Variants in LIPC observed in about 807,000 individuals in gnomAD.
LIPC encodes the protein hepatic triacylglycerol lipase.
A neutral mutation model predicts 50.7 loss-of-function variants in LIPC; 44 were observed. The observed-to-expected ratio is 0.87, with a 90% CI of 0.68 to 1.11. LIPC has a LOEUF of 1.11. Ranked by LOEUF, LIPC falls within the 50% of genes most tolerant of loss-of-function variation. LIPC has a pLI of 0.00. For missense variants in LIPC, 697 were observed against 648.2 expected (o/e 1.08, Z -0.82); for synonymous variants, 271 against 256.4 (o/e 1.06, Z -0.54).
intron 1 of LIPC, chr15:58,497,672 C>A (rs1448722818): frequency 6.6e-6 from 1 of 152,456 alleles, no homozygotes; most frequent in African/African-American, 2.4e-5. Context: ...TCCCAGGCTC[C>A]AGGTCAGCAC....
At chr15:58,445,299 C>G (rs576856326) in intron 1 of LIPC, among the ~76,000 whole-genome samples, 2 of 152,342 alleles carry the variant, frequency 1.3e-5, no homozygotes, top group East Asian at 1.9e-4. Context: ...CATGGGTGTG[C>G]TCAGTGTGGA....
intron 1 of LIPC, among the ~76,000 whole-genome samples, chr15:58,463,180 G>A (rs534939597): frequency 5.3e-5 from 8 of 152,180 alleles, no homozygotes; most frequent in South Asian, 4.1e-4. Flanking sequence ...TTTGCCTTCC[G>A]GCCTGACTGC....
intron 8 of LIPC, chr15:58,565,196 A>G (rs773946354): frequency 1.9e-4 from 292 of 1,535,570 alleles, no homozygotes; most frequent in Middle Eastern, 3.3e-4. Context: ...AACAGGATCA[A>G]TCTGGGAAGA....
chr15:58,537,805 T>C (rs1161477355), intron 1 of LIPC, among the ~76,000 whole-genome samples: 6 of 151,932 alleles, frequency 3.9e-5, no homozygotes, highest in Non-Finnish European at 7.4e-5. Flanking sequence ...CACTCACCCC[T>C]GTACCTTGTC....
chr15:58,449,489 G>T (rs1893825697), intron 1 of LIPC, among the ~76,000 whole-genome samples: 1 of 152,018 alleles, frequency 6.6e-6, no homozygotes, highest in South Asian at 2.1e-4. Flanking sequence ...TATTTACTTT[G>T]AAAGATAAAT....
chr15:58,497,103 A>C (rs1373851953), intron 1 of LIPC, among the ~76,000 whole-genome samples: 5 of 152,226 alleles, frequency 3.3e-5, no homozygotes, highest in African/African-American at 9.6e-5. Context: ...CAGTAGTTAG[A>C]GCTGCCACTG....
At chr15:58,490,568 G>C (rs1317729676) in intron 1 of LIPC, among the ~76,000 whole-genome samples, 1 of 152,064 alleles carries the variant, frequency 6.6e-6, no homozygotes, top group African/African-American at 2.4e-5. Flanking sequence ...AATCTGGCCC[G>C]TCACGCCAGC....
At chr15:58,549,262 T>A (rs1893660506) in intron 6 of LIPC, among the ~76,000 whole-genome samples, 1 of 152,336 alleles carries the variant, frequency 6.6e-6, no homozygotes, top group Non-Finnish European at 1.5e-5. Flanking sequence ...GCCATTAACA[T>A]TTCTGCCTAA....
At chr15:58,544,328 C>A (rs555670729) in intron 4 of LIPC, among the ~76,000 whole-genome samples, 27 of 151,968 alleles carry the variant, frequency 1.8e-4, no homozygotes, top group Non-Finnish European at 3.8e-4. Context: ...ACCCTCTTGC[C>A]GTCTTGTCAT....
intron 1 of LIPC, among the ~76,000 whole-genome samples, chr15:58,438,246 G>A (rs967249187): frequency 3.3e-5 from 5 of 152,180 alleles, no homozygotes; most frequent in Admixed American, 2.6e-4. Flanking sequence ...GGCAGAAAGA[G>A]GCTGGGCCCC....
chr15:58,446,767 G>A (rs1338745845), intron 1 of LIPC, among the ~76,000 whole-genome samples: 1 of 152,156 alleles, frequency 6.6e-6, no homozygotes, highest in Non-Finnish European at 1.5e-5. Flanking sequence ...ACCCACACAG[G>A]CCTGGCATGG....
chr15:58,569,026 A>G lies in LIPC; in HGVS notation c.*199A>G, dbSNP rs867037693. ...TATAACTATTTTCCAGTATCAGTACAACCAAAAATGTCCCAATTTTATCTC... is the reference window on the plus strand; with the variant it reads ...TATAACTATTTTCCAGTATCAGTACGACCAAAAATGTCCCAATTTTATCTC... On this transcript the variant is annotated 3_prime_UTR_variant, in exon 9 of 9. Transcript: ENST00000299022. 7.0e-6 allele frequency: 3 copies of G among 427,952 alleles called. No homozygotes were observed. The highest frequency in any genetic ancestry group is 8.3e-6 in the Non-Finnish European group (2 of 242,194). The allele number at this position is 427,952 out of a possible 1,614,324, so 26.5% of individuals were successfully genotyped here. A position where few individuals can be genotyped will look rare whatever the true frequency, so the allele number is the denominator to read the frequency against.
rs1332282753 is a variant in LIPC, at chr15:58,519,354, T to G, written c.89-18979T>G. 2.0e-5 allele frequency among the ~76,000 whole-genome samples: 3 copies of G among 147,680 alleles called. No homozygotes were observed. The East Asian group carries it at 6.0e-4, about 29-fold the overall frequency. ...TGAACCCGGGAGGCGGAGCTTGCAG[T>G]GAGCCGAGATTGTGCCACTGCACTC... is the stretch of plus-strand genomic sequence containing the variant. On this transcript the variant is annotated intron_variant, in intron 1 of 8. Coordinates refer to ENST00000299022, the MANE Select transcript of LIPC (RefSeq NM_000236.3).
chr15:58,541,673 G>A, intron 2 of LIPC, 112 bp from the exon 3 acceptor site: 2 of 1,117,760 alleles, frequency 1.8e-6, no homozygotes, highest in South Asian at 2.7e-5. Flanking sequence ...GTGCATGGCT[G>A]AGAAACGTCA....
intron 1 of LIPC, among the ~76,000 whole-genome samples, chr15:58,483,920 G>A (rs935621821): frequency 9.9e-5 from 15 of 152,092 alleles, no homozygotes; most frequent in African/African-American, 2.9e-4. Flanking sequence ...TTTCCCAGCC[G>A]TTCCAAATTA....
intron 6 of LIPC, among the ~76,000 whole-genome samples, chr15:58,558,535 T>C (rs2414593): frequency 0.95 from 143,965 of 152,218 alleles, 68,329 homozygotes; most frequent in Middle Eastern, 0.99. Flanking sequence ...CAGCCAGAGG[T>C]GAGCAGTGGG....
chr15:58,558,514 TC>T (rs1489679637), intron 6 of LIPC, among the ~76,000 whole-genome samples: 3 of 152,174 alleles, frequency 2.0e-5, no homozygotes. Context: ...GCAATTAGGA[TC>T]CGGGCCTCAC....
chr15:58,567,289 A>G lies in LIPC; in HGVS notation c.1389-1427A>G, dbSNP rs1374824134. Among the ~76,000 whole-genome samples, 552 of 56,438 alleles carry G rather than the reference A, an allele frequency of 9.8e-3. 4 individuals carry two copies. Among genetic ancestry groups the G allele is most frequent in the South Asian group, 0.039 (97 of 2,468 alleles). The allele number at this position is 56,438 out of a possible 152,430, so 37.0% of individuals were successfully genotyped here. A position where few individuals can be genotyped will look rare whatever the true frequency, so the allele number is the denominator to read the frequency against. ...TATGTGTGTGTGTGTGTGTATATAT[A>G]TATACATATATATATACATATATAT... On this transcript the variant is annotated intron_variant, in intron 8 of 8. Coordinates refer to ENST00000299022, the MANE Select transcript of LIPC (RefSeq NM_000236.3).
At chr15:58,514,520 G>A (rs1445102539) in intron 1 of LIPC, among the ~76,000 whole-genome samples, 1 of 152,138 alleles carries the variant, frequency 6.6e-6, no homozygotes, top group African/African-American at 2.4e-5. Context: ...CTCTTTCCTA[G>A]TAAGTATAAA....
Sources: gnomAD v4.1 joint callset for allele counts (sites outside exome capture counted in the v4.1 genomes callset) on GRCh38, gnomAD v4.1.1 for gene constraint, MANE v1.5 for transcripts, NCBI Gene and HGNC (gene_info 2026-07-23, HGNC 2026-07-21) for gene names.